The following PRKAR2B variants were observed in gnomAD, a reference collection of about 807,000 sequenced individuals.
The protein encoded by PRKAR2B is cAMP-dependent protein kinase type II-beta regulatory subunit.
Under a neutral mutation model 49.9 loss-of-function variants are expected in PRKAR2B, and 14 were observed. That is an observed-to-expected ratio of 0.28 (90% CI 0.19 to 0.44). PRKAR2B has a LOEUF of 0.44. PRKAR2B is among the 20% of genes least tolerant of loss of function. The pLI is 1.00. For synonymous variants in PRKAR2B, 196 were observed against 197.7 expected (o/e 0.99, Z 0.07); for missense variants, 393 against 537.9 (o/e 0.73, Z 2.67).
chr7:107,102,763 G>C (rs570565084), intron 2 of PRKAR2B, among the ~76,000 whole-genome samples: 1 of 152,214 alleles, frequency 6.6e-6, no homozygotes, highest in Admixed American at 6.5e-5. Flanking sequence ...CTCTGCCTCC[G>C]GGGTTCAGGT....
Position 107,101,517 on chromosome 7 carries a change from G to A in PRKAR2B, c.344-20435G>A, listed in dbSNP as rs574479621. ...CCCACACTGCCTTCCAGGCAGCCAC[G>A]GATGCTTGGAGAATTTATCAAGTGC... On this transcript the variant is annotated intron_variant, in intron 2 of 10. Coordinates refer to ENST00000265717, the MANE Select transcript of PRKAR2B (RefSeq NM_002736.3). 1.6e-4 allele frequency among the ~76,000 whole-genome samples: 25 copies of A among 152,308 alleles called. No homozygotes were observed. The South Asian group carries it at 3.7e-3, about 23-fold the overall frequency.
chr7:107,126,213 G>A (rs1290800918), intron 3 of PRKAR2B, among the ~76,000 whole-genome samples: 1 of 126,554 alleles, frequency 7.9e-6, no homozygotes, highest in East Asian at 2.3e-4. Flanking sequence ...CTAACATGGT[G>A]AAAACCCGTC....
At chr7:107,077,955 A>T (rs978868076) in intron 2 of PRKAR2B, 1 of 152,326 alleles carries the variant, frequency 6.6e-6, no homozygotes, top group Non-Finnish European at 1.5e-5. Context: ...TGTTCCCAGC[A>T]CTTTGGGAGG....
chr7:107,106,441 C>G (rs949743724), intron 2 of PRKAR2B, among the ~76,000 whole-genome samples: 2 of 152,292 alleles, frequency 1.3e-5, no homozygotes, highest in Admixed American at 1.3e-4. Context: ...ATTTGCAACT[C>G]ATGTCAAGTT....
chr7:107,107,286 G>A (rs1391945239), intron 2 of PRKAR2B, among the ~76,000 whole-genome samples: 2 of 151,818 alleles, frequency 1.3e-5, no homozygotes, highest in Non-Finnish European at 2.9e-5. Context: ...GTAGTGAGCC[G>A]ACATGGCGCC....
rs531061018 is a variant in PRKAR2B, at chr7:107,052,571, G to A, written c.307+7357G>A. On this transcript the variant is annotated intron_variant, in intron 1 of 10. Transcript: ENST00000265717. Reference sequence around the variant, plus strand: ...GATTTAGTCTTCCCCAGAGTAATTGGTGGAATCAAGGTTTGAACCTGGTAA... The same window carrying A: ...GATTTAGTCTTCCCCAGAGTAATTGATGGAATCAAGGTTTGAACCTGGTAA... Among the ~76,000 whole-genome samples, 3 of 152,318 alleles carry A rather than the reference G, an allele frequency of 2.0e-5. No homozygotes were observed. The South Asian group carries it at 6.2e-4, about 32-fold the overall frequency.
intron 2 of PRKAR2B, among the ~76,000 whole-genome samples, chr7:107,111,893 G>A (rs1489069946): frequency 1.3e-5 from 2 of 151,120 alleles, no homozygotes; most frequent in Non-Finnish European, 2.9e-5. Flanking sequence ...CTGGCCAGGT[G>A]AGGTGGCTCA....
At position 107,044,986 on chromosome 7, in the gene PRKAR2B, G is replaced by A. The variant is rs776176842; in HGVS notation, c.79G>A (p.Asp27Asn). The change falls in exon 1 of 11, where the codon GAC (aspartate) becomes AAC (asparagine). Residue 27 changes from aspartate to asparagine, a missense_variant. Coordinates refer to ENST00000265717, the MANE Select transcript of PRKAR2B (RefSeq NM_002736.3). The part of the protein sequence containing the change: ...TVEVLRHQPA[D>N]LLEFALQHFT... ...GGAGGTGCTGAGGCACCAGCCCGCGGACCTGCTGGAGTTCGCGCTGCAGCA... is the reference window on the plus strand; with the variant it reads ...GGAGGTGCTGAGGCACCAGCCCGCGAACCTGCTGGAGTTCGCGCTGCAGCA... 1.9e-6 allele frequency: 3 copies of A among 1,569,120 alleles called. No homozygotes were observed. The highest frequency in any genetic ancestry group is 2.4e-5 in the East Asian group (1 of 42,316).
chr7:107,060,068 A>T (rs112621026), intron 1 of PRKAR2B, among the ~76,000 whole-genome samples: 10 of 145,720 alleles, frequency 6.9e-5, no homozygotes. Flanking sequence ...TAGTTTTTTT[A>T]ATCAAAATAT....
chr7:107,157,244 A>C lies in PRKAR2B; in HGVS notation c.1043A>C (p.Gln348Pro). The change falls in exon 10 of 11, where the codon CAG becomes CCG. Residue 348 changes from glutamine to proline, a missense_variant. Gln to Pro is a moderately conservative substitution (Grantham distance 76). Coordinates refer to ENST00000265717, the MANE Select transcript of PRKAR2B (RefSeq NM_002736.3). ...GAAATCGCTCGATGCTCGCGGGGAC[A>C]GTACTTTGGAGAGCTTGCCCTGGTA... ...AVEIARCSRG[Q>P]YFGELALVTN... The C allele has an allele frequency of 6.2e-7, 1 of 1,614,232 alleles. No individual in the cohort carries two copies. The highest frequency in any genetic ancestry group is 8.5e-7 in the Non-Finnish European group (1 of 1,180,044).
At chr7:107,110,144 A>C (rs1795146114) in intron 2 of PRKAR2B, among the ~76,000 whole-genome samples, 4 of 152,088 alleles carry the variant, frequency 2.6e-5, no homozygotes, top group Admixed American at 2.6e-4. Flanking sequence ...ATTATATCGC[A>C]CTCAGTAATG....
intron 2 of PRKAR2B, among the ~76,000 whole-genome samples, chr7:107,071,468 T>C (rs938836945): frequency 2.0e-5 from 3 of 152,172 alleles, no homozygotes; most frequent in Non-Finnish European, 4.4e-5. Context: ...TGAAAACAAG[T>C]GTAGATTGTA....
At chr7:107,150,857 T>C in intron 6 of PRKAR2B, 65 bp from the exon 7 acceptor site, 2 of 784,338 alleles carry the variant, frequency 2.5e-6, no homozygotes, top group Non-Finnish European at 2.1e-6. Flanking sequence ...TTGTAGGGAA[T>C]AAAATAAAAC....
chr7:107,053,677 A>C (rs1367734477), intron 1 of PRKAR2B, among the ~76,000 whole-genome samples: 1 of 152,080 alleles, frequency 6.6e-6, no homozygotes, highest in Non-Finnish European at 1.5e-5. Context: ...CGTTACCTGA[A>C]GGGGAAAATC....
intron 4 of PRKAR2B, among the ~76,000 whole-genome samples, chr7:107,137,130 T>C (rs1192455993): frequency 6.6e-6 from 1 of 152,214 alleles, no homozygotes; most frequent in East Asian, 1.9e-4. Context: ...TTGTCACCGC[T>C]AGACAGCTCT....
At chr7:107,140,664 G>C (rs1400306518) in intron 4 of PRKAR2B, among the ~76,000 whole-genome samples, 183 bp from the exon 5 acceptor site, 1 of 152,140 alleles carries the variant, frequency 6.6e-6, no homozygotes, top group Non-Finnish European at 1.5e-5. Context: ...GAATGTGAGA[G>C]TATATAATCA....
chr7:107,052,335 T>C (rs1162356148), intron 1 of PRKAR2B, among the ~76,000 whole-genome samples: 8 of 152,198 alleles, frequency 5.3e-5, no homozygotes, highest in African/African-American at 1.7e-4. Context: ...GGAGAATCGC[T>C]TGAACCCTGG....
At chr7:107,101,139 T>A (rs1005100895) in intron 2 of PRKAR2B, among the ~76,000 whole-genome samples, 1 of 148,526 alleles carries the variant, frequency 6.7e-6, no homozygotes, top group South Asian at 2.2e-4. Context: ...TTGCTTATTT[T>A]TTTTTTTTTT....
At chr7:107,115,032 T>C (rs1301682007) in intron 2 of PRKAR2B, among the ~76,000 whole-genome samples, 1 of 152,102 alleles carries the variant, frequency 6.6e-6, no homozygotes, top group Non-Finnish European at 1.5e-5. Context: ...CAGCAGAATA[T>C]TTTATAGTAG....
Sources: allele counts gnomAD v4.1 joint callset (sites outside exome capture counted in the v4.1 genomes callset), GRCh38; gene constraint gnomAD v4.1.1; transcripts MANE v1.5; gene names NCBI Gene and HGNC (gene_info 2026-07-23, HGNC 2026-07-21).